Variants in CHRM3 observed in about 807,000 individuals in gnomAD.
CHRM3 encodes cholinergic receptor muscarinic 3, also known as muscarinic acetylcholine receptor M3.
Under a neutral mutation model 41.8 loss-of-function variants are expected in CHRM3, and 11 were observed. The ratio of observed to expected loss-of-function variants is 0.26; its 90% CI spans 0.17 to 0.44. The LOEUF (loss-of-function observed/expected upper bound fraction) is 0.44. CHRM3 is among the 20% of genes least tolerant of loss of function. The pLI is 1.00. For missense variants in CHRM3, 571 were observed against 745.4 expected, an observed-to-expected ratio of 0.77 and a Z score of 2.72; for synonymous variants, 297 against 301.4, an observed-to-expected ratio of 0.99 and a Z score of 0.15.
intron 1 of CHRM3, among the ~76,000 whole-genome samples, chr1:239,397,570 G>C (rs776002611): frequency 6.6e-6 from 1 of 151,798 alleles, no homozygotes; most frequent in Non-Finnish European, 1.5e-5. Context: ...TACTTGGGAG[G>C]CTGAGGCAGG....
intron 5 of CHRM3, among the ~76,000 whole-genome samples, chr1:239,790,395 G>T (rs1351682012): frequency 1.3e-5 from 2 of 152,134 alleles, no homozygotes; most frequent in Non-Finnish European, 2.9e-5. Flanking sequence ...AATCATGGGG[G>T]AAGTTTCCCC....
intron 4 of CHRM3, among the ~76,000 whole-genome samples, chr1:239,665,182 A>G (rs1465311591): frequency 2.0e-5 from 3 of 150,376 alleles, no homozygotes; most frequent in Admixed American, 6.7e-5. Context: ...AAAAAAAAAA[A>G]AGACTTTTTC....
chr1:239,868,792 C>A (rs1006608445), intron 6 of CHRM3, among the ~76,000 whole-genome samples: 2 of 152,340 alleles, frequency 1.3e-5, no homozygotes, highest in African/African-American at 2.4e-5. Flanking sequence ...ATGATGAATT[C>A]TGAGAATGAG....
chr1:239,593,561 A>C (rs575717932), intron 3 of CHRM3, among the ~76,000 whole-genome samples: 1 of 152,180 alleles, frequency 6.6e-6, no homozygotes, highest in Admixed American at 6.5e-5. Flanking sequence ...TTGTCATTCA[A>C]TATTTAGTTC....
intron 3 of CHRM3, among the ~76,000 whole-genome samples, chr1:239,547,728 T>A (rs1299157311): frequency 1.3e-5 from 2 of 152,194 alleles, no homozygotes; most frequent in Non-Finnish European, 2.9e-5. Flanking sequence ...ACTTCTGAAT[T>A]TGAAAATGTC....
intron 2 of CHRM3, among the ~76,000 whole-genome samples, chr1:239,534,885 T>C (rs901902458): frequency 2.2e-4 from 34 of 152,240 alleles, no homozygotes; most frequent in African/African-American, 7.0e-4. Context: ...GTACCACTGG[T>C]GGTAGCTGCT....
chr1:239,679,031 A>AGATAGATG (rs1192155687), intron 5 of CHRM3, among the ~76,000 whole-genome samples: 1 of 136,828 alleles, frequency 7.3e-6, no homozygotes, highest in Non-Finnish European at 1.6e-5. Context: ...ATAGATGGAT[A>AGATAGATG]GATAGATAGA....
At chr1:239,465,870 T>C (rs2147907823) in intron 1 of CHRM3, among the ~76,000 whole-genome samples, 1 of 152,246 alleles carries the variant, frequency 6.6e-6, no homozygotes, top group African/African-American at 2.4e-5. Context: ...CTCTTCCACC[T>C]CTTTCACCCC....
At chr1:239,779,954 C>A (rs2148793425) in intron 5 of CHRM3, among the ~76,000 whole-genome samples, 1 of 152,236 alleles carries the variant, frequency 6.6e-6, no homozygotes, top group South Asian at 2.1e-4. Flanking sequence ...CATGTCAGTT[C>A]ATGTCTTGAT....
At chr1:239,767,243 A>G (rs1188829343) in intron 5 of CHRM3, among the ~76,000 whole-genome samples, 1 of 152,186 alleles carries the variant, frequency 6.6e-6, no homozygotes, top group Admixed American at 6.5e-5. Flanking sequence ...AAGATAAATT[A>G]AAGTTAAATT....
chr1:239,684,011 A>G (rs1268383042), intron 5 of CHRM3, among the ~76,000 whole-genome samples: 1 of 152,206 alleles, frequency 6.6e-6, no homozygotes, highest in African/African-American at 2.4e-5. Flanking sequence ...TACATTCTCC[A>G]GTATAACAAC....
At chr1:239,898,686 T>C (rs916288091) in intron 6 of CHRM3, among the ~76,000 whole-genome samples, 6 of 152,158 alleles carry the variant, frequency 3.9e-5, no homozygotes, top group Admixed American at 3.9e-4. Flanking sequence ...CCCTCAAACA[T>C]TTTTCCCAAG....
intron 6 of CHRM3, among the ~76,000 whole-genome samples, chr1:239,862,975 T>A (rs1488815287): frequency 6.6e-6 from 1 of 152,234 alleles, no homozygotes; most frequent in East Asian, 1.9e-4. Flanking sequence ...GTATCATTAA[T>A]GTGGATGTCA....
At chr1:239,847,227 C>T (rs368162137) in intron 6 of CHRM3, among the ~76,000 whole-genome samples, 1 of 152,290 alleles carries the variant, frequency 6.6e-6, no homozygotes, top group East Asian at 1.9e-4. Flanking sequence ...TTTTATTTCT[C>T]ATTCCTGACT....
At chr1:239,735,134 A>C (rs1282843990) in intron 5 of CHRM3, among the ~76,000 whole-genome samples, 5 of 152,174 alleles carry the variant, frequency 3.3e-5, no homozygotes, top group African/African-American at 1.2e-4. Flanking sequence ...AAATCAATGT[A>C]ACCTGAGGTT....
chr1:239,715,097 A>G (rs373749774), intron 5 of CHRM3, among the ~76,000 whole-genome samples: 6 of 152,244 alleles, frequency 3.9e-5, no homozygotes, highest in African/African-American at 1.4e-4. Flanking sequence ...AATATCAAAT[A>G]CCACAGATTA....
chr1:239,838,235 T>C (rs115083603), intron 6 of CHRM3, among the ~76,000 whole-genome samples: 2,261 of 152,210 alleles, frequency 0.015, 23 homozygotes, highest in Non-Finnish European at 0.025. Flanking sequence ...GGGATGTAAG[T>C]TGGAATAGTA....
chr1:239,875,708 T>G lies in CHRM3; in HGVS notation c.-19-31725T>G, dbSNP rs189454124. On this transcript the variant is annotated intron_variant, in intron 6 of 6. Coordinates refer to ENST00000676153, the MANE Select transcript of CHRM3 (RefSeq NM_001375978.1). ...CGCTTTGCATTCATTTTGCCCCACA[T>G]TGTTGGTCTTCAATACTGGTGTTCG... Among the ~76,000 whole-genome samples the G allele has an allele frequency of 3.9e-5, 6 of 152,304 alleles. No homozygotes were observed. The East Asian group carries it at 1.2e-3, about 29-fold the overall frequency.
intron 6 of CHRM3, among the ~76,000 whole-genome samples, chr1:239,834,400 C>A (rs1450471618): frequency 6.7e-6 from 1 of 149,696 alleles, no homozygotes; most frequent in Non-Finnish European, 1.5e-5. Flanking sequence ...GTGGCCTCTG[C>A]CTTCCAGGTT....
Sources: gnomAD v4.1 joint callset for allele counts (sites outside exome capture counted in the v4.1 genomes callset) on GRCh38, gnomAD v4.1.1 for gene constraint, MANE v1.5 for transcripts, NCBI Gene and HGNC (gene_info 2026-07-23, HGNC 2026-07-21) for gene names.